FAM3D: variants seen among roughly 807,000 people sequenced by gnomAD.
The protein encoded by FAM3D is FAM3 metabolism regulating signaling molecule D.
FAM3D carries 26 observed loss-of-function variants against 29.8 expected under a neutral mutation model. The observed-to-expected ratio is 0.87, with a 90% CI of 0.64 to 1.21. The LOEUF is 1.21. Among genes scored for constraint, FAM3D ranks in the 50% most tolerant of loss-of-function variants. The pLI, the probability that FAM3D is intolerant of heterozygous loss-of-function variation, is 0.00. For synonymous variants in FAM3D, 115 were observed against 102.3 expected (o/e 1.12, Z -0.75); for missense variants, 253 against 290.9 (o/e 0.87, Z 0.95).
chr3:58,645,174 C>T lies in FAM3D; in HGVS notation c.263+335G>A, dbSNP rs972960391. On this transcript the variant is annotated intron_variant, in intron 5 of 9. Coordinates refer to ENST00000358781, the MANE Select transcript of FAM3D (RefSeq NM_138805.3). Reference sequence around the variant, plus strand: ...TTTCATGGGAAGCCCAGCAACTTGGCTGTTAGACTTGAGGTCAAATCCTGG... The same window carrying T: ...TTTCATGGGAAGCCCAGCAACTTGGTTGTTAGACTTGAGGTCAAATCCTGG... Among the ~76,000 whole-genome samples, 11 of 152,232 alleles carry T rather than the reference C, an allele frequency of 7.2e-5. No individual in the cohort carries two copies. The East Asian group carries it at 2.1e-3, about 29-fold the overall frequency.
At chr3:58,661,470 T>C (rs1379141638) in intron 1 of FAM3D, among the ~76,000 whole-genome samples, 1 of 152,202 alleles carries the variant, frequency 6.6e-6, no homozygotes, top group East Asian at 1.9e-4. Flanking sequence ...TTTCCTCCCA[T>C]TCACCTGACA....
chr3:58,661,682 C>T (rs2066933663), intron 1 of FAM3D, among the ~76,000 whole-genome samples: 1 of 152,184 alleles, frequency 6.6e-6, no homozygotes, highest in Non-Finnish European at 1.5e-5. Flanking sequence ...ACACAGTCCT[C>T]TCTCGGCCTC....
intron 4 of FAM3D, among the ~76,000 whole-genome samples, chr3:58,646,129 C>T (rs1001827996): frequency 6.6e-6 from 1 of 152,248 alleles, no homozygotes; most frequent in Non-Finnish European, 1.5e-5. Context: ...GTGCCTCCCC[C>T]ACTGGGTTCT....
chr3:58,643,771 A>G (rs2066401352), intron 5 of FAM3D, 51 bp from the exon 6 acceptor site: 1 of 1,562,236 alleles, frequency 6.4e-7, no homozygotes, highest in Non-Finnish European at 8.8e-7. Context: ...TGTGGAATGA[A>G]CACTCTGCTC....
intron 4 of FAM3D, 31 bp downstream of exon 4, chr3:58,649,284 G>T (rs553040435): frequency 6.2e-7 from 1 of 1,610,792 alleles, no homozygotes; most frequent in Non-Finnish European, 8.5e-7. Context: ...GGATGAGGTC[G>T]GGGGAGGTGT....
At chr3:58,649,518 C>T in intron 3 of FAM3D, 180 bp from the exon 4 acceptor site, 1 of 658,798 alleles carries the variant, frequency 1.5e-6, no homozygotes, top group Non-Finnish European at 2.7e-6. Flanking sequence ...ACACAGCACA[C>T]ATATACACAG....
intron 5 of FAM3D, among the ~76,000 whole-genome samples, chr3:58,645,277 C>A (rs1233176341): frequency 6.6e-6 from 1 of 152,148 alleles, no homozygotes; most frequent in African/African-American, 2.4e-5. Flanking sequence ...ATATCCCCAC[C>A]TCCCAGGATG....
At chr3:58,660,839 A>G (rs774896957) in intron 1 of FAM3D, among the ~76,000 whole-genome samples, 5 of 152,174 alleles carry the variant, frequency 3.3e-5, no homozygotes, top group African/African-American at 4.8e-5. Context: ...TAATCTTACA[A>G]CAGCTCAATG....
intron 6 of FAM3D, among the ~76,000 whole-genome samples, chr3:58,641,177 T>G (rs988298427): frequency 6.6e-6 from 1 of 152,208 alleles, no homozygotes; most frequent in African/African-American, 2.4e-5. Flanking sequence ...GCCCCTTACA[T>G]GATTTGTTGG....
chr3:58,656,297 C>A (rs1175787944), intron 1 of FAM3D, among the ~76,000 whole-genome samples: 1 of 152,118 alleles, frequency 6.6e-6, no homozygotes, highest in East Asian at 1.9e-4. Context: ...TAAGCAAGAC[C>A]CACCATGGCT....
rs143006630 is a variant in FAM3D at position 58,644,924 on chromosome 3, C to T, written c.263+585G>A. 5.9e-5 allele frequency among the ~76,000 whole-genome samples: 9 copies of T among 152,330 alleles called. No individual in the cohort carries two copies. In the East Asian group the frequency reaches 1.7e-3, roughly 29 times the overall value. On this transcript the variant is annotated intron_variant, in intron 5 of 9. Coordinates refer to ENST00000358781, the MANE Select transcript of FAM3D (RefSeq NM_138805.3). ...TTTTAGGTATTTGAACCCATCACTT[C>T]CTTGTTTTGCTTAAACAAACTGTGG...
At chr3:58,636,239 A>C in intron 9 of FAM3D, 55 bp downstream of exon 9, 1 of 1,579,772 alleles carries the variant, frequency 6.3e-7, no homozygotes, top group South Asian at 1.2e-5. Flanking sequence ...CCTTCCTACC[A>C]CCACCCAGCT....
chr3:58,652,444 T>A (rs1215716033), intron 3 of FAM3D, among the ~76,000 whole-genome samples: 1 of 148,928 alleles, frequency 6.7e-6, no homozygotes, highest in African/African-American at 2.5e-5. Context: ...CATCCACCCA[T>A]CCATCTACTC....
chr3:58,654,461 C>T (rs1406842531), intron 2 of FAM3D, among the ~76,000 whole-genome samples: 1 of 152,238 alleles, frequency 6.6e-6, no homozygotes, highest in South Asian at 2.1e-4. Context: ...CAAGCCACAG[C>T]TCCCTGGCCC....
chr3:58,662,322 G>T (rs1269477182), intron 1 of FAM3D, among the ~76,000 whole-genome samples: 1 of 152,208 alleles, frequency 6.6e-6, no homozygotes, highest in Non-Finnish European at 1.5e-5. Flanking sequence ...CAACGTGGTG[G>T]CCTCCACAAC....
chr3:58,646,918 G>A (rs901797954), intron 4 of FAM3D, among the ~76,000 whole-genome samples: 4 of 152,206 alleles, frequency 2.6e-5, no homozygotes, highest in African/African-American at 9.6e-5. Context: ...GGGACCATGA[G>A]GTTTCCAGGG....
At position 58,634,215 on chromosome 3, in the gene FAM3D, C is replaced by A; in HGVS notation, c.*64G>T. ...CTCCTCCTCCTCAGCCCCTGCCGGG[C>A]TCTGACTCCTAAGTCAGGCAGGAGC... On this transcript the variant is annotated 3_prime_UTR_variant, in exon 10 of 10. Coordinates refer to ENST00000358781, the MANE Select transcript of FAM3D (RefSeq NM_138805.3). This position sits in a 1 kb window ranked among gnomAD's most constrained non-coding sequence, Gnocchi z 4.6. 1 of 1,498,858 alleles carries A rather than the reference C, an allele frequency of 6.7e-7. No individual in the cohort carries two copies. The highest frequency in any genetic ancestry group is 9.2e-7 in the Non-Finnish European group (1 of 1,087,876). 92.8% of individuals were successfully genotyped at this position (1,498,858 alleles called of 1,614,324 possible).
intron 7 of FAM3D, among the ~76,000 whole-genome samples, chr3:58,637,987 C>T (rs990595491): frequency 8.5e-5 from 13 of 152,250 alleles, no homozygotes; most frequent in African/African-American, 2.6e-4. Flanking sequence ...TGGGTTCAAG[C>T]GATTCTCCTG....
At position 58,634,291 on chromosome 3, in the gene FAM3D, C is replaced by T. The variant is rs748446786; in HGVS notation, c.663G>A (p.Pro221=). 10 of 1,613,818 alleles carry T rather than the reference C, an allele frequency of 6.2e-6. No homozygotes were observed. The African/African-American group carries it at 6.7e-5, about 11-fold the overall frequency. The change falls in exon 10 of 10, where the codon CCG becomes CCA. Residue 221 remains proline (P), a synonymous_variant. Coordinates refer to ENST00000358781, the MANE Select transcript of FAM3D (RefSeq NM_138805.3). This position sits in a 1 kb window ranked among gnomAD's most constrained non-coding sequence, Gnocchi z 4.6. ...ELLEMEGCMP[P]KPF ...AGCCACAGCCACCCTAAAATGGCTT[C>T]GGGGGCATGCAGCCCTCCATCTCCA...
Sources: allele counts gnomAD v4.1 joint callset (sites outside exome capture counted in the v4.1 genomes callset), GRCh38; gene constraint gnomAD v4.1.1; non-coding constraint Gnocchi (gnomAD v3.1); transcripts MANE v1.5; gene names NCBI Gene and HGNC (gene_info 2026-07-23, HGNC 2026-07-21).